SRSF4: variants seen among roughly 807,000 people sequenced by gnomAD.
SRSF4 encodes the protein serine/arginine-rich splicing factor 4.
Under a neutral mutation model 48.8 loss-of-function variants are expected in SRSF4, and 12 were observed. That is an observed-to-expected ratio of 0.25 (90% CI 0.16 to 0.40). The LOEUF (loss-of-function observed/expected upper bound fraction) is 0.40, where lower values mean the gene tolerates loss of function less well. Among genes scored for constraint, SRSF4 ranks in the 10% least tolerant of loss-of-function variants. The pLI is 1.00. For synonymous variants in SRSF4, 248 were observed against 232.5 expected, an observed-to-expected ratio of 1.07 and a Z score of -0.61; for missense variants, 466 against 667.1, an observed-to-expected ratio of 0.70 and a Z score of 3.32.
chr1:29,164,640 T>C lies in SRSF4; in HGVS notation c.108-4123A>G, dbSNP rs143466565. On this transcript the variant is annotated intron_variant, in intron 1 of 5. Coordinates refer to ENST00000373795, the MANE Select transcript of SRSF4 (RefSeq NM_005626.5). ...CAGAAATCCTTCCTCTTCTGCTCTA[T>C]TAAAAACAAAGAACACCTTTCAATA... 5.7e-3 allele frequency among the ~76,000 whole-genome samples: 865 copies of C among 152,278 alleles called. 10 individuals carry two copies. Among genetic ancestry groups the C allele is most frequent in the African/African-American group, 0.02 (822 of 41,558 alleles).
chr1:29,163,006 C>T (rs1477416576), intron 1 of SRSF4, among the ~76,000 whole-genome samples: 1 of 152,144 alleles, frequency 6.6e-6, no homozygotes, highest in Admixed American at 6.5e-5. Context: ...CTTATCCTGA[C>T]CTTTCAGAGA....
At chr1:29,175,216 C>CTGTGAGGTCAGG (rs1672821160) in intron 1 of SRSF4, among the ~76,000 whole-genome samples, 1 of 149,102 alleles carries the variant, frequency 6.7e-6, no homozygotes, top group Non-Finnish European at 1.5e-5. Context: ...AGTTCAAAAC[C>CTGTGAGGTCAGG]AGGCTGGCCA....
chr1:29,150,898 A>G (rs1574188806), intron 4 of SRSF4, among the ~76,000 whole-genome samples: 1 of 152,086 alleles, frequency 6.6e-6, no homozygotes, highest in East Asian at 1.9e-4. Flanking sequence ...GCAAGCCACC[A>G]TTATCTCTCC....
At chr1:29,171,142 T>G (rs1188433629) in intron 1 of SRSF4, 1 of 152,078 alleles carries the variant, frequency 6.6e-6, no homozygotes, top group African/African-American at 2.4e-5. Context: ...CCAACCACGA[T>G]AAAGCTGATA....
intron 1 of SRSF4, among the ~76,000 whole-genome samples, chr1:29,163,227 G>C (rs2151817136): frequency 6.6e-6 from 1 of 152,268 alleles, no homozygotes; most frequent in South Asian, 2.1e-4. Flanking sequence ...CAACAAGTGG[G>C]TCACTTGGTA....
chr1:29,169,159 T>G (rs1309092265), intron 1 of SRSF4: 2 of 152,266 alleles, frequency 1.3e-5, no homozygotes, highest in East Asian at 3.8e-4. Context: ...CCATTTAATT[T>G]TCACAACTCT....
chr1:29,153,041 T>G (rs1024034290), intron 4 of SRSF4, among the ~76,000 whole-genome samples: 3 of 152,184 alleles, frequency 2.0e-5, no homozygotes, highest in Non-Finnish European at 4.4e-5. Flanking sequence ...CTCTCTAGAC[T>G]AGTTGTGCTG....
chr1:29,175,629 A>G (rs77352608), intron 1 of SRSF4, among the ~76,000 whole-genome samples: 3,296 of 124,530 alleles, frequency 0.026, 54 homozygotes, highest in Middle Eastern at 0.11. Context: ...CAGGAGGCGG[A>G]GCTTGCAGTG....
At chr1:29,172,034 T>G (rs1672751783) in intron 1 of SRSF4, 3 of 152,088 alleles carry the variant, frequency 2.0e-5, no homozygotes, top group Admixed American at 6.6e-5. Flanking sequence ...TGGTATTATC[T>G]CTTGGCATTG....
intron 1 of SRSF4, chr1:29,173,100 C>CTACATT (rs1672770672): frequency 6.7e-6 from 1 of 150,116 alleles, no homozygotes; most frequent in Non-Finnish European, 1.5e-5. Context: ...TACAATTAAC[C>CTACATT]TACATTTATT....
chr1:29,168,473 G>C (rs576132602), intron 1 of SRSF4: 1 of 152,202 alleles, frequency 6.6e-6, no homozygotes, highest in East Asian at 1.9e-4. Context: ...ATATAATGGG[G>C]TAAAGTCTCT....
chr1:29,175,690 G>A (rs1404691264), intron 1 of SRSF4, among the ~76,000 whole-genome samples: 5 of 29,022 alleles, frequency 1.7e-4, no homozygotes, highest in Non-Finnish European at 2.6e-4. Context: ...GCCAGACGCT[G>A]TCTCAAAAAA....
At chr1:29,153,320 G>T (rs559130394) in intron 4 of SRSF4, among the ~76,000 whole-genome samples, 55 of 151,170 alleles carry the variant, frequency 3.6e-4, no homozygotes, top group Non-Finnish European at 6.1e-4. Context: ...TTTTACTTTT[G>T]TATTTTTAGT....
chr1:29,164,592 A>G (rs1672643321), intron 1 of SRSF4, among the ~76,000 whole-genome samples: 1 of 152,252 alleles, frequency 6.6e-6, no homozygotes, highest in Non-Finnish European at 1.5e-5. Flanking sequence ...AACCCAAGAG[A>G]TAAATTTCTC....
At position 29,148,808 on chromosome 1, in the gene SRSF4, C is replaced by T. The variant is rs750905668; in HGVS notation, c.1087G>A (p.Glu363Lys). ...CGGCTGCGACTGCGACTGCGGCTCT[C>T]CTCTCTGCTTCTCTTCCTGCCCTTC... is the stretch of plus-strand genomic sequence containing the variant. ...KRKGRKRSRE[E>K]SRSRSRSRSK... The change falls in exon 6 of 6, where the codon GAG (glutamate) becomes AAG (lysine). Residue 363 changes from glutamate (E) to lysine (K), a missense_variant. Glu to Lys is a moderately conservative substitution (Grantham distance 56). Transcript: ENST00000373795. 2 of 1,609,728 alleles carry T rather than the reference C, an allele frequency of 1.2e-6. No individual in the cohort carries two copies. The highest frequency in any genetic ancestry group is 1.7e-4 in the Middle Eastern group (1 of 6,012).
In SRSF4 at chr1:29,148,319, C is replaced by T. The variant is rs1356957872; in HGVS notation, c.*91G>A. 15 of 1,468,722 alleles carry T rather than the reference C, an allele frequency of 1.0e-5. No individual in the cohort carries two copies. The highest frequency in any genetic ancestry group is 1.4e-5 in the Non-Finnish European group (15 of 1,073,378). 91.0% of individuals were successfully genotyped at this position (1,468,722 alleles called of 1,614,324 possible). A position where few individuals can be genotyped will look rare whatever the true frequency, so the allele number is the denominator to read the frequency against. ...CATTAGGGGAGTTAAAAATGTACAG[C>T]AGTGACATGTTCTACTCCAATCACT... On this transcript the variant is annotated 3_prime_UTR_variant, in exon 6 of 6. Transcript: ENST00000373795.
intron 3 of SRSF4, 24 bp from the exon 4 acceptor site, chr1:29,154,934 T>A: frequency 6.3e-7 from 1 of 1,588,682 alleles, no homozygotes; most frequent in Non-Finnish European, 8.6e-7. Context: ...AAAGTGTGAC[T>A]ACATTAGGAT....
At chr1:29,149,307 T>G in intron 5 of SRSF4, 81 bp from the exon 6 acceptor site, 1 of 1,480,424 alleles carries the variant, frequency 6.8e-7, no homozygotes, top group Non-Finnish European at 9.1e-7. Flanking sequence ...GGCATACATG[T>G]GGAGTTACAC....
chr1:29,151,291 T>C (rs1472725987), intron 4 of SRSF4, among the ~76,000 whole-genome samples: 1 of 152,178 alleles, frequency 6.6e-6, no homozygotes, highest in East Asian at 1.9e-4. Flanking sequence ...ACAAGTTCAA[T>C]GATACTAAGA....
Sources: gnomAD v4.1 joint callset for allele counts (sites outside exome capture counted in the v4.1 genomes callset) on GRCh38, gnomAD v4.1.1 for gene constraint, MANE v1.5 for transcripts, NCBI Gene and HGNC (gene_info 2026-07-23, HGNC 2026-07-21) for gene names.